Variants in FBN2 observed in about 807,000 individuals in gnomAD.
FBN2 encodes the protein fibrillin-2.
In FBN2, 105 loss-of-function variants were observed where a neutral mutation model predicts 355.6. The ratio of observed to expected loss-of-function variants is 0.30; its 90% CI spans 0.25 to 0.35. The LOEUF is 0.35. Among genes scored for constraint, FBN2 ranks in the 10% least tolerant of loss-of-function variants. The pLI is 1.00. For synonymous variants in FBN2, 1,350 were observed against 1,301.2 expected (o/e 1.04, Z -0.81); for missense variants, 3,280 against 3,758.7 (o/e 0.87, Z 3.33).
intron 7 of FBN2, among the ~76,000 whole-genome samples, chr5:128,438,082 C>A (rs1753822054): frequency 6.6e-6 from 1 of 152,208 alleles, no homozygotes; most frequent in African/African-American, 2.4e-5. Flanking sequence ...CCTCCGCCTC[C>A]TGGGCTTAGG....
intron 33 of FBN2, 92 bp from the exon 34 acceptor site, chr5:128,328,913 T>A: frequency 7.5e-7 from 1 of 1,330,684 alleles, no homozygotes; most frequent in East Asian, 2.3e-5. Context: ...TTTACTGGCT[T>A]GACTTAATGC....
chr5:128,434,431 G>A (rs1284986697), intron 7 of FBN2, among the ~76,000 whole-genome samples: 1 of 79,286 alleles, frequency 1.3e-5, no homozygotes, highest in Non-Finnish European at 2.4e-5. Flanking sequence ...TATATGGGCA[G>A]TAAGTGACAG....
intron 15 of FBN2, among the ~76,000 whole-genome samples, chr5:128,372,802 C>G (rs1279754545): frequency 6.6e-6 from 1 of 151,958 alleles, no homozygotes; most frequent in African/African-American, 2.4e-5. Flanking sequence ...AATTTTTGTA[C>G]TTTTTGCAGA....
intron 6 of FBN2, among the ~76,000 whole-genome samples, chr5:128,452,555 T>C (rs1409543962): frequency 6.6e-6 from 1 of 152,174 alleles, no homozygotes; most frequent in East Asian, 1.9e-4. Context: ...TGTCCAAATA[T>C]GGAAAATATG....
At position 128,456,557 on chromosome 5, in the gene FBN2, C is replaced by T. The variant is rs558306743; in HGVS notation, c.826+8167G>A. ...GATCCTACTGGCATTAGATTGGTGC[C>T]CCTAGAGGTGAGAGGTCCCAGAAGG... is the stretch of plus-strand genomic sequence containing the variant. On this transcript the variant is annotated intron_variant, in intron 6 of 64. Transcript: ENST00000262464. Among the ~76,000 whole-genome samples the T allele has an allele frequency of 2.0e-5, 3 of 152,180 alleles. No individual in the cohort carries two copies. The South Asian group carries it at 6.2e-4, about 32-fold the overall frequency.
At chr5:128,408,838 C>T in intron 7 of FBN2, 39 bp from the exon 8 acceptor site, 1 of 1,612,250 alleles carries the variant, frequency 6.2e-7, no homozygotes, top group Non-Finnish European at 8.5e-7. Flanking sequence ...TGAGAAAGGC[C>T]TTCATTAAAT....
intron 6 of FBN2, among the ~76,000 whole-genome samples, chr5:128,458,115 T>A (rs1460439474): frequency 6.6e-6 from 1 of 151,828 alleles, no homozygotes; most frequent in South Asian, 2.1e-4. Context: ...AATAAAGGGA[T>A]GGAGGAATAT....
intron 15 of FBN2, among the ~76,000 whole-genome samples, chr5:128,371,415 C>T (rs1009852180): frequency 3.3e-5 from 5 of 151,768 alleles, no homozygotes; most frequent in African/African-American, 1.2e-4. Context: ...CCTTTTCTCT[C>T]CTTCTTTCTC....
In FBN2 at chr5:128,407,543, C is replaced by T. The variant is rs546896023; in HGVS notation, c.1078+1131G>A. Among the ~76,000 whole-genome samples the T allele has an allele frequency of 2.0e-5, 3 of 152,228 alleles. No homozygotes were observed. In the East Asian group the frequency reaches 5.8e-4, roughly 29 times the overall value. ...ACGGTATGTGTAATATCTTAAATGA[C>T]AGCTATTATTTTTACTACTACTACT... On this transcript the variant is annotated intron_variant, in intron 8 of 64. Coordinates refer to ENST00000262464, the MANE Select transcript of FBN2 (RefSeq NM_001999.4).
rs539506634 is a variant in FBN2, at chr5:128,324,190, T to A, written c.4471+4506A>T. On this transcript the variant is annotated intron_variant, in intron 34 of 64. Transcript: ENST00000262464. The stretch of plus-strand genomic sequence containing the variant: ...TATTTGATTCTTCTCTGTCTTCTTA[T>A]TTGTCTCACTAGCAGTCTATCTGTT... Among the ~76,000 whole-genome samples, 9 of 152,338 alleles carry A rather than the reference T, an allele frequency of 5.9e-5. No homozygotes were observed. The East Asian group carries it at 1.7e-3, about 29-fold the overall frequency.
At chr5:128,313,681 G>C (rs962973985) in intron 36 of FBN2, among the ~76,000 whole-genome samples, 1 of 151,318 alleles carries the variant, frequency 6.6e-6, no homozygotes, top group African/African-American at 2.4e-5. Flanking sequence ...GTGAAAACCC[G>C]TCTCTACTAA....
Position 128,263,490 on chromosome 5 carries a change from G to T in FBN2, c.8127C>A (p.Gly2709=). 6.2e-7 allele frequency: 1 copy of T among 1,614,142 alleles called. No homozygotes were observed. Residue 2709 remains glycine (G), a synonymous_variant, in exon 63 of 65, where the codon GGC becomes GGA. Coordinates refer to ENST00000262464, the MANE Select transcript of FBN2 (RefSeq NM_001999.4). The part of the protein sequence containing the change: ...CSSSKNPCNY[G]CSNTEGGYLC... ...GGTAGCCCCCCTCCGTGTTAGAGCA[G>T]CCGTAATTGCAGGGGTTCTTGGAGG...
intron 37 of FBN2, among the ~76,000 whole-genome samples, chr5:128,312,218 T>G (rs1203435110): frequency 6.6e-6 from 1 of 152,158 alleles, no homozygotes; most frequent in African/African-American, 2.4e-5. Context: ...AGCTAGTAAA[T>G]TAAGACTAGA....
chr5:128,266,841 T>G (rs1041624852), intron 62 of FBN2, among the ~76,000 whole-genome samples: 1 of 151,096 alleles, frequency 6.6e-6, no homozygotes, highest in Non-Finnish European at 1.5e-5. Context: ...ATTATTATAT[T>G]TATTTATTTA....
At chr5:128,356,138 C>T (rs556508716) in intron 20 of FBN2, among the ~76,000 whole-genome samples, 1 of 152,080 alleles carries the variant, frequency 6.6e-6, no homozygotes, top group African/African-American at 2.4e-5. Flanking sequence ...ACCCCACCGC[C>T]CCCCCAACCC....
chr5:128,309,117 T>C, intron 41 of FBN2, 130 bp downstream of exon 41: 1 of 884,506 alleles, frequency 1.1e-6, no homozygotes, highest in South Asian at 1.5e-5. Flanking sequence ...AACAGAACCA[T>C]ATGATGCTCT....
rs1408387377 is a variant in FBN2, at chr5:128,378,865, G to A, written c.1629C>T (p.Pro543=). 6.2e-7 allele frequency: 1 copy of A among 1,613,010 alleles called. No homozygotes were observed. Among genetic ancestry groups the A allele is most frequent in the Non-Finnish European group, 8.5e-7 (1 of 1,179,294 alleles). The change falls in exon 12 of 65, where the codon CCC becomes CCT. Residue 543 remains proline, a synonymous_variant. Coordinates refer to ENST00000262464, the MANE Select transcript of FBN2 (RefSeq NM_001999.4). ...TGTTAACACAATCTCCATTAGTGCA[G>A]GGATTTGATGTGCATTCATCAACAT... ...CIDVDECTSN[P]CTNGDCVNTP... is the part of the protein sequence containing the mutation.
chr5:128,493,533 A>G lies in FBN2; in HGVS notation c.628+25740T>C, dbSNP rs544443014. ...TATCCTCACTTACAATCTAGGGTTCAGAAATATTAATGGGGTATAATCCTT... is the reference window on the plus strand; with the variant it reads ...TATCCTCACTTACAATCTAGGGTTCGGAAATATTAATGGGGTATAATCCTT... On this transcript the variant is annotated intron_variant, in intron 5 of 64. Transcript: ENST00000262464. 1.6e-4 allele frequency among the ~76,000 whole-genome samples: 24 copies of G among 152,314 alleles called. 1 individual carries two copies. Among genetic ancestry groups the G allele is most frequent in the African/African-American group, 5.5e-4 (23 of 41,572 alleles).
At chr5:128,307,630 A>G (rs1195111795) in intron 41 of FBN2, among the ~76,000 whole-genome samples, 2 of 152,098 alleles carry the variant, frequency 1.3e-5, no homozygotes, top group Non-Finnish European at 2.9e-5. Context: ...TGTAGAGGGG[A>G]AATAGGTAAA....
Sources: allele counts gnomAD v4.1 joint callset (sites outside exome capture counted in the v4.1 genomes callset), GRCh38; gene constraint gnomAD v4.1.1; transcripts MANE v1.5; gene names NCBI Gene and HGNC (gene_info 2026-07-23, HGNC 2026-07-21).